Variants in PTPRT observed in about 807,000 individuals in gnomAD.
PTPRT encodes the protein receptor-type tyrosine-protein phosphatase T.
In PTPRT, 56 loss-of-function variants were observed where a neutral mutation model predicts 176.8. The observed-to-expected ratio is 0.32, with a 90% confidence interval of 0.26 to 0.40. PTPRT has a LOEUF of 0.40. Among genes scored for constraint, PTPRT ranks in the 10% least tolerant of loss-of-function variants. PTPRT has a pLI of 1.00. For synonymous variants in PTPRT, 783 were observed against 739.0 expected, an observed-to-expected ratio of 1.06 and a Z score of -0.96; for missense variants, 1,540 against 1,908.2, an observed-to-expected ratio of 0.81 and a Z score of 3.60.
intron 1 of PTPRT, among the ~76,000 whole-genome samples, chr20:42,929,798 G>A (rs956272326): frequency 9.8e-5 from 15 of 152,342 alleles, no homozygotes; most frequent in Middle Eastern, 3.4e-3. Context: ...TCCTGCAAGC[G>A]TGGATCAGAC....
In PTPRT at chr20:42,446,617, T is replaced by TGA. The variant is rs1204184063; in HGVS notation, c.1560+1602_1560+1603insTC. ...GTGTGTGTGTGTGTGTGTGTGTGTG[T>TGA]GTGTGAGAGAGAGAGAGAGATTGTG... On this transcript the variant is annotated intron_variant, in intron 9 of 30. Transcript: ENST00000373187. 4.0e-3 allele frequency among the ~76,000 whole-genome samples: 585 copies of TGA among 147,068 alleles called. 1 individual carries two copies. The highest frequency in any genetic ancestry group is 0.021 in the Middle Eastern group (6 of 286).
At chr20:42,155,612 C>A (rs1989317060) in intron 17 of PTPRT, among the ~76,000 whole-genome samples, 1 of 152,146 alleles carries the variant, frequency 6.6e-6, no homozygotes, top group Admixed American at 6.5e-5. Context: ...GGACTTGATT[C>A]CAGGCATTTT....
chr20:43,057,955 A>G (rs1987309153), intron 1 of PTPRT, among the ~76,000 whole-genome samples: 1 of 152,226 alleles, frequency 6.6e-6, no homozygotes, highest in Non-Finnish European at 1.5e-5. Flanking sequence ...TAGTACATAG[A>G]AAGCACCCAG....
chr20:42,568,928 A>G (rs1415838195), intron 7 of PTPRT, among the ~76,000 whole-genome samples: 2 of 150,852 alleles, frequency 1.3e-5, no homozygotes, highest in East Asian at 3.9e-4. Flanking sequence ...AGATGTCTGT[A>G]GTCCCAGCTA....
At chr20:42,186,496 A>G (rs1239645036) in intron 16 of PTPRT, among the ~76,000 whole-genome samples, 1 of 151,744 alleles carries the variant, frequency 6.6e-6, no homozygotes, top group Non-Finnish European at 1.5e-5. Flanking sequence ...AAGGAGTGTG[A>G]CAAAGTTTAA....
At chr20:42,987,768 G>C (rs1490683986) in intron 1 of PTPRT, among the ~76,000 whole-genome samples, 1 of 151,968 alleles carries the variant, frequency 6.6e-6, no homozygotes, top group Non-Finnish European at 1.5e-5. Context: ...ATAAACAATA[G>C]TTGCAGTAAT....
At chr20:42,549,546 G>A (rs1429689738) in intron 7 of PTPRT, among the ~76,000 whole-genome samples, 3 of 152,104 alleles carry the variant, frequency 2.0e-5, no homozygotes, top group Non-Finnish European at 2.9e-5. Flanking sequence ...ATAAACTGTG[G>A]CCCATCATTA....
At chr20:43,072,953 C>T (rs570160147) in intron 1 of PTPRT, among the ~76,000 whole-genome samples, 3 of 152,228 alleles carry the variant, frequency 2.0e-5, no homozygotes, top group Admixed American at 2.0e-4. Context: ...TGGTCCTTTA[C>T]CATAAGATCA....
At chr20:42,453,437 T>C (rs1361048686) in intron 8 of PTPRT, among the ~76,000 whole-genome samples, 2 of 152,062 alleles carry the variant, frequency 1.3e-5, no homozygotes, top group East Asian at 1.9e-4. Context: ...TCTTTTATAG[T>C]GTTTTGCAAT....
At chr20:42,343,968 C>A (rs1033967852) in intron 11 of PTPRT, among the ~76,000 whole-genome samples, 1 of 152,236 alleles carries the variant, frequency 6.6e-6, no homozygotes, top group Non-Finnish European at 1.5e-5. Flanking sequence ...GGTGTGATCT[C>A]AGCTCACTGC....
chr20:42,597,120 C>T (rs559381881), intron 7 of PTPRT, among the ~76,000 whole-genome samples: 6 of 152,222 alleles, frequency 3.9e-5, no homozygotes, highest in South Asian at 2.1e-4. Flanking sequence ...TTCTTCCAAG[C>T]GCACATAATT....
chr20:42,611,690 T>C (rs2073979181), intron 7 of PTPRT, among the ~76,000 whole-genome samples: 1 of 152,218 alleles, frequency 6.6e-6, no homozygotes, highest in Admixed American at 6.5e-5. Flanking sequence ...CAAACTCACC[T>C]TCCTTCCCTG....
At chr20:42,896,944 A>C (rs765729188) in intron 1 of PTPRT, among the ~76,000 whole-genome samples, 5 of 152,150 alleles carry the variant, frequency 3.3e-5, no homozygotes, top group Non-Finnish European at 7.4e-5. Flanking sequence ...CATAAATTGA[A>C]TTCCTTTTCT....
At chr20:42,037,976 C>A in the PTPRT span, among the ~76,000 whole-genome samples, 31 of 152,284 alleles carry the variant, frequency 2.0e-4, no homozygotes, top group Non-Finnish European at 2.9e-5. Flanking sequence ...GGAGCACTCA[C>A]TTTATGCCAG....
chr20:42,314,960 A>T (rs960298525), intron 12 of PTPRT, among the ~76,000 whole-genome samples: 1 of 152,226 alleles, frequency 6.6e-6, no homozygotes, highest in Non-Finnish European at 1.5e-5. Flanking sequence ...TAGTATGGAT[A>T]GAACCATTGT....
intron 7 of PTPRT, among the ~76,000 whole-genome samples, chr20:42,523,816 C>A (rs1337611923): frequency 6.7e-6 from 1 of 149,896 alleles, no homozygotes; most frequent in Non-Finnish European, 1.5e-5. Context: ...ATATATATAT[C>A]TGCATCTTTT....
At chr20:42,851,697 G>A (rs140513792) in intron 2 of PTPRT, among the ~76,000 whole-genome samples, 6 of 152,154 alleles carry the variant, frequency 3.9e-5, no homozygotes, top group Admixed American at 2.0e-4. Flanking sequence ...CAACCATATC[G>A]TCTCTTTTGC....
chr20:42,373,988 T>G (rs1030633406), intron 9 of PTPRT, among the ~76,000 whole-genome samples: 1 of 152,058 alleles, frequency 6.6e-6, no homozygotes, highest in Non-Finnish European at 1.5e-5. Context: ...GTCACCCTGT[T>G]TGGGAACTGG....
intron 6 of PTPRT, among the ~76,000 whole-genome samples, chr20:42,729,700 T>G (rs1442832697): frequency 1.3e-5 from 2 of 152,356 alleles, no homozygotes; most frequent in East Asian, 3.9e-4. Flanking sequence ...GACACAGGAT[T>G]GCACTCAGAT....
Sources: gnomAD v4.1 joint callset for allele counts (sites outside exome capture counted in the v4.1 genomes callset) on GRCh38, gnomAD v4.1.1 for gene constraint, MANE v1.5 for transcripts, NCBI Gene and HGNC (gene_info 2026-07-23, HGNC 2026-07-21) for gene names.